Variants in WWOX observed in about 807,000 individuals in gnomAD.
WWOX encodes the protein WW domain containing oxidoreductase.
A neutral mutation model predicts 46.2 loss-of-function variants in WWOX; 69 were observed. The ratio of observed to expected loss-of-function variants is 1.49; its 90% CI spans 1.23 to 1.82. The LOEUF (loss-of-function observed/expected upper bound fraction) is 1.82. WWOX is among the 40% of genes most tolerant of loss of function. WWOX has a pLI of 0.00. For missense variants in WWOX, 919 were observed against 542.6 expected, an observed-to-expected ratio of 1.69 and a Z score of -6.89; for synonymous variants, 359 against 202.6, an observed-to-expected ratio of 1.77 and a Z score of -6.56.
Position 78,971,129 on chromosome 16 carries a change from A to T in WWOX, c.1057-240479A>T, listed in dbSNP as rs566375028. Among the ~76,000 whole-genome samples the T allele has an allele frequency of 2.6e-5, 4 of 152,044 alleles. No individual in the cohort carries two copies. In the South Asian group the frequency reaches 8.3e-4, roughly 32 times the overall value. ...GTAAGATTCTAGTCCAGTGTGAGCC[A>T]TATGCTTTATTCCTGAGCAATCGCT... On this transcript the variant is annotated intron_variant, in intron 8 of 8. Coordinates refer to ENST00000566780, the MANE Select transcript of WWOX (RefSeq NM_016373.4).
chr16:78,727,454 T>C (rs147641733), intron 8 of WWOX, among the ~76,000 whole-genome samples: 221 of 152,258 alleles, frequency 1.5e-3, no homozygotes, highest in African/African-American at 4.9e-3. Flanking sequence ...CCTGGTGATC[T>C]GAATACATCA....
chr16:78,924,787 A>G (rs2045460830), intron 8 of WWOX, among the ~76,000 whole-genome samples: 1 of 152,216 alleles, frequency 6.6e-6, no homozygotes, highest in South Asian at 2.1e-4. Context: ...GTAATACCTT[A>G]TAGACATCTC....
At chr16:78,382,028 A>C (rs2081966481) in intron 5 of WWOX, among the ~76,000 whole-genome samples, 1 of 151,976 alleles carries the variant, frequency 6.6e-6, no homozygotes, top group Non-Finnish European at 1.5e-5. Context: ...AGCCAGTTAT[A>C]TTTTAGATGC....
At chr16:79,017,136 G>A (rs1170176192) in intron 8 of WWOX, 1 of 152,114 alleles carries the variant, frequency 6.6e-6, no homozygotes, top group African/African-American at 2.4e-5. Context: ...GTCCACAGAA[G>A]TTACAGGTAG....
chr16:78,992,804 G>A (rs1173801631), intron 8 of WWOX, among the ~76,000 whole-genome samples: 1 of 152,212 alleles, frequency 6.6e-6, no homozygotes, highest in Non-Finnish European at 1.5e-5. Flanking sequence ...GACATAAATA[G>A]CCTCAAAAGT....
At chr16:79,137,996 A>G (rs1042109421) in intron 8 of WWOX, among the ~76,000 whole-genome samples, 1 of 152,224 alleles carries the variant, frequency 6.6e-6, no homozygotes, top group African/African-American at 2.4e-5. Context: ...ACCCGTTTAC[A>G]TTCCAAGGAA....
intron 5 of WWOX, among the ~76,000 whole-genome samples, chr16:78,196,177 A>G (rs1320756999): frequency 6.6e-6 from 1 of 152,236 alleles, no homozygotes; most frequent in Non-Finnish European, 1.5e-5. Flanking sequence ...GTTTAACTAG[A>G]TGATTGTACC....
chr16:78,887,468 AACACACACACACAC>A (rs78503110), intron 8 of WWOX, among the ~76,000 whole-genome samples: 5,347 of 136,058 alleles, frequency 0.039, 185 homozygotes, highest in Admixed American at 0.11. Context: ...AAGTATATAA[AACACACACACACAC>A]ACACACACAC....
intron 6 of WWOX, among the ~76,000 whole-genome samples, chr16:78,406,297 A>AATACAAAT (rs2082531259): frequency 2.7e-5 from 2 of 74,062 alleles, no homozygotes; most frequent in African/African-American, 3.7e-5. Flanking sequence ...ACAGCATATA[A>AATACAAAT]ATATAAATAT....
Position 78,610,936 on chromosome 16 carries a change from C to T in WWOX, c.1056+178184C>T, listed in dbSNP as rs1268397697. ...TTAAGCACAGGACAGTGAGAACGAA[C>T]GGAATTTCAGAGACATGTTTCTTAA... On this transcript the variant is annotated intron_variant, in intron 8 of 8. Coordinates refer to ENST00000566780, the MANE Select transcript of WWOX (RefSeq NM_016373.4). Among the ~76,000 whole-genome samples the T allele has an allele frequency of 2.0e-5, 3 of 152,000 alleles. No individual in the cohort carries two copies. The East Asian group carries it at 5.8e-4, about 29-fold the overall frequency.
At chr16:78,591,578 A>G (rs764817928) in intron 8 of WWOX, among the ~76,000 whole-genome samples, 2 of 152,176 alleles carry the variant, frequency 1.3e-5, no homozygotes, top group Non-Finnish European at 2.9e-5. Context: ...TTTTGGATTT[A>G]GGTTACCATC....
chr16:78,937,872 C>T (rs1055984315), intron 8 of WWOX, among the ~76,000 whole-genome samples: 1 of 152,136 alleles, frequency 6.6e-6, no homozygotes, highest in Non-Finnish European at 1.5e-5. Flanking sequence ...AAGCAATCTA[C>T]CTGCTTCTCT....
rs1203526439 is a variant in WWOX, at chr16:78,261,772, G to GTATCTATC, written c.516+97495_516+97502dup. ...TGTGTCTGTCTATCTATCTATCTAT[G>GTATCTATC]TATCTATCTATCTATCTATATATAT... On this transcript the variant is annotated intron_variant, in intron 5 of 8. Transcript: ENST00000566780. Among the ~76,000 whole-genome samples, 9 of 130,004 alleles carry GTATCTATC rather than the reference G, an allele frequency of 6.9e-5. No individual in the cohort carries two copies. In the South Asian group the frequency reaches 7.7e-4, roughly 11 times the overall value. The allele number at this position is 130,004 out of a possible 152,430, so 85.3% of individuals were successfully genotyped here.
At chr16:79,003,153 T>A (rs1375705337) in intron 8 of WWOX, among the ~76,000 whole-genome samples, 1 of 152,204 alleles carries the variant, frequency 6.6e-6, no homozygotes, top group Non-Finnish European at 1.5e-5. Context: ...ATTTACATGT[T>A]TGTCATTCTC....
At chr16:79,022,684 A>C (rs1319925016) in intron 8 of WWOX, among the ~76,000 whole-genome samples, 1 of 152,152 alleles carries the variant, frequency 6.6e-6, no homozygotes, top group Non-Finnish European at 1.5e-5. Context: ...AATGATATGC[A>C]CTGATGTAAG....
chr16:79,096,723 C>G (rs1489393037), intron 8 of WWOX, among the ~76,000 whole-genome samples: 1 of 152,180 alleles, frequency 6.6e-6, no homozygotes, highest in African/African-American at 2.4e-5. Context: ...AATGCTGGCT[C>G]CAACAGGGCA....
At chr16:78,468,578 G>T (rs541872820) in intron 8 of WWOX, among the ~76,000 whole-genome samples, 1 of 152,208 alleles carries the variant, frequency 6.6e-6, no homozygotes, top group South Asian at 2.1e-4. Flanking sequence ...TAGTTACAGG[G>T]AGTGCTAGGG....
In WWOX at chr16:79,130,220, T is replaced by C. The variant is rs1294411243; in HGVS notation, c.1057-81388T>C. Among the ~76,000 whole-genome samples the C allele has an allele frequency of 2.0e-5, 3 of 152,228 alleles. No individual in the cohort carries two copies. The East Asian group carries it at 5.8e-4, about 29-fold the overall frequency. ...ATTCCTGAACCTGTGCTCTTGTCTC[T>C]TCCTTCAGTACCACATACAACAGAG... is the stretch of plus-strand genomic sequence containing the variant. On this transcript the variant is annotated intron_variant, in intron 8 of 8. Transcript: ENST00000566780.
Position 78,880,992 on chromosome 16 carries a change from C to CTT in WWOX, c.1057-330599_1057-330598dup, listed in dbSNP as rs71140838. 6.9e-3 allele frequency among the ~76,000 whole-genome samples: 780 copies of CTT among 113,514 alleles called. 12 individuals carry two copies. Among genetic ancestry groups the CTT allele is most frequent in the Middle Eastern group, 0.014 (3 of 222 alleles). The allele number at this position is 113,514 out of a possible 152,430, so 74.5% of individuals were successfully genotyped here. On this transcript the variant is annotated intron_variant, in intron 8 of 8. Transcript: ENST00000566780. ...CCTAAAGCTTCTGGTAATTTTTTTT[C>CTT]TTTTTTTTTTTTTTTTTTGAGACAA...
Sources: allele counts gnomAD v4.1 joint callset (sites outside exome capture counted in the v4.1 genomes callset), GRCh38; gene constraint gnomAD v4.1.1; transcripts MANE v1.5; gene names NCBI Gene and HGNC (gene_info 2026-07-23, HGNC 2026-07-21).